DSCAM: variants seen among roughly 807,000 people sequenced by gnomAD.
The protein encoded by DSCAM is cell adhesion molecule DSCAM.
In DSCAM, 47 loss-of-function variants were observed where a neutral mutation model predicts 217.7. The observed-to-expected ratio is 0.22, with a 90% CI of 0.17 to 0.28. The LOEUF is 0.28. Ranked by LOEUF, DSCAM falls within the 10% of genes least tolerant of loss-of-function variation. DSCAM has a pLI of 1.00. For missense variants in DSCAM, 2,080 were observed against 2,618.3 expected (o/e 0.79, Z 4.49); for synonymous variants, 1,056 against 1,015.3 (o/e 1.04, Z -0.76).
intron 16 of DSCAM, among the ~76,000 whole-genome samples, chr21:40,145,391 T>C (rs1020288537): frequency 1.3e-4 from 20 of 152,106 alleles, no homozygotes; most frequent in African/African-American, 4.8e-4. Flanking sequence ...ATCTCTTTCA[T>C]GAAGCCCCGA....
rs181730393 is a variant in DSCAM, at chr21:40,103,711, A to G, written c.3697-9837T>C. 1.3e-3 allele frequency among the ~76,000 whole-genome samples: 200 copies of G among 151,626 alleles called. 1 individual carries two copies. Among genetic ancestry groups the G allele is most frequent in the Non-Finnish European group, 2.0e-3 (139 of 67,906 alleles). On this transcript the variant is annotated intron_variant, in intron 20 of 32. Transcript: ENST00000400454. ...TATATGACTATATATATGACTATAT[A>G]TAGACTATGTATATAACTATATACA...
chr21:40,220,545 T>C (rs899664487), intron 11 of DSCAM, among the ~76,000 whole-genome samples: 3 of 152,206 alleles, frequency 2.0e-5, no homozygotes, highest in Non-Finnish European at 4.4e-5. Context: ...TTTTCCTCCA[T>C]GGTACATAAA....
At chr21:40,013,474 G>C in intron 32 of DSCAM, 88 bp from the exon 33 acceptor site, 2 of 981,726 alleles carry the variant, frequency 2.0e-6, no homozygotes, top group South Asian at 2.1e-5. Flanking sequence ...AGCCATGCGG[G>C]CTTTAGAGAT....
intron 3 of DSCAM, among the ~76,000 whole-genome samples, chr21:40,476,424 G>A (rs957061042): frequency 2.6e-5 from 4 of 152,160 alleles, no homozygotes; most frequent in East Asian, 1.9e-4. Flanking sequence ...TATATTGCAT[G>A]CAAAATGCAC....
At chr21:40,170,170 T>C (rs547001505) in intron 15 of DSCAM, among the ~76,000 whole-genome samples, 1 of 152,308 alleles carries the variant, frequency 6.6e-6, no homozygotes, top group East Asian at 1.9e-4. Flanking sequence ...GCCTTTTCCC[T>C]GGGGCTTTCT....
intron 1 of DSCAM, among the ~76,000 whole-genome samples, chr21:40,739,249 G>C (rs537159658): frequency 3.9e-5 from 6 of 152,156 alleles, no homozygotes; most frequent in South Asian, 2.1e-4. Flanking sequence ...AGCAATGCTG[G>C]GGGGAGGTGG....
At chr21:40,615,566 G>A (rs2089382497) in intron 3 of DSCAM, 1 of 152,004 alleles carries the variant, frequency 6.6e-6, no homozygotes, top group Non-Finnish European at 1.5e-5. Context: ...CTTTCTTTCC[G>A]AGATCTTTCA....
At chr21:40,115,322 C>T (rs191327890) in intron 20 of DSCAM, among the ~76,000 whole-genome samples, 1 of 152,062 alleles carries the variant, frequency 6.6e-6, no homozygotes, top group African/African-American at 2.4e-5. Flanking sequence ...GGAGAAAAAA[C>T]CAAACGCCGC....
chr21:40,784,710 C>G (rs989742805), intron 1 of DSCAM, among the ~76,000 whole-genome samples: 1 of 152,274 alleles, frequency 6.6e-6, no homozygotes, highest in African/African-American at 2.4e-5. Context: ...AGAATTGACT[C>G]CAGAGAGTGC....
intron 16 of DSCAM, among the ~76,000 whole-genome samples, chr21:40,150,016 C>A (rs932748218): frequency 3.3e-5 from 5 of 152,244 alleles, no homozygotes; most frequent in African/African-American, 1.2e-4. Context: ...ACTACTACCT[C>A]TACCACCTCC....
chr21:40,116,178 G>C (rs901577895), intron 20 of DSCAM, among the ~76,000 whole-genome samples: 2 of 152,188 alleles, frequency 1.3e-5, no homozygotes, highest in Non-Finnish European at 2.9e-5. Context: ...TGGAGGGTGA[G>C]AGGAGGGGGA....
chr21:40,653,154 G>A (rs1281870530), intron 3 of DSCAM, among the ~76,000 whole-genome samples: 2 of 152,168 alleles, frequency 1.3e-5, no homozygotes, highest in Admixed American at 6.5e-5. Flanking sequence ...TCCTTTCACT[G>A]TTTCATAAAC....
intron 3 of DSCAM, chr21:40,385,256 T>C (rs1045037092): frequency 1.2e-4 from 18 of 152,232 alleles, no homozygotes; most frequent in Admixed American, 9.8e-4. Context: ...TATGTTGATA[T>C]AAAGAAATCT....
At chr21:40,213,982 A>G (rs1420602938) in intron 11 of DSCAM, among the ~76,000 whole-genome samples, 2 of 152,202 alleles carry the variant, frequency 1.3e-5, no homozygotes, top group Non-Finnish European at 2.9e-5. Context: ...CTACATGGTG[A>G]GGAATAAAGG....
At chr21:40,445,383 A>G (rs2075666559) in intron 3 of DSCAM, among the ~76,000 whole-genome samples, 1 of 152,224 alleles carries the variant, frequency 6.6e-6, no homozygotes, top group African/African-American at 2.4e-5. Context: ...CTGGTGACTT[A>G]AGTGAGTCGT....
intron 1 of DSCAM, among the ~76,000 whole-genome samples, chr21:40,757,247 G>A (rs1028076156): frequency 3.3e-5 from 5 of 151,916 alleles, no homozygotes; most frequent in Admixed American, 2.0e-4. Context: ...AGATGGTCTC[G>A]ATCTCCTGAC....
chr21:40,259,832 C>T (rs926839990), intron 11 of DSCAM, among the ~76,000 whole-genome samples: 5 of 151,874 alleles, frequency 3.3e-5, no homozygotes, highest in Admixed American at 6.5e-5. Flanking sequence ...CGCCACCACA[C>T]CTGTTATAAA....
chr21:40,235,189 C>A (rs542718800), intron 11 of DSCAM, among the ~76,000 whole-genome samples: 1 of 152,282 alleles, frequency 6.6e-6, no homozygotes, highest in South Asian at 2.1e-4. Context: ...CCTACTGAGG[C>A]ATTGGGATAT....
chr21:40,074,027 A>C (rs569271733), intron 27 of DSCAM, among the ~76,000 whole-genome samples: 2 of 152,350 alleles, frequency 1.3e-5, no homozygotes, highest in African/African-American at 4.8e-5. Context: ...CATAAAAAGC[A>C]GTGCTTTGGT....
Sources: gnomAD v4.1 joint callset for allele counts (sites outside exome capture counted in the v4.1 genomes callset) on GRCh38, gnomAD v4.1.1 for gene constraint, MANE v1.5 for transcripts, NCBI Gene and HGNC (gene_info 2026-07-23, HGNC 2026-07-21) for gene names.